SLC4A10: variants seen among roughly 807,000 people sequenced by gnomAD.
The protein encoded by SLC4A10 is solute carrier family 4 member 10, also known as sodium-driven chloride bicarbonate exchanger.
Under a neutral mutation model 137.7 loss-of-function variants are expected in SLC4A10, and 42 were observed. The ratio of observed to expected loss-of-function variants is 0.30; its 90% confidence interval spans 0.24 to 0.39. The LOEUF is 0.39. SLC4A10 is among the 10% of genes least tolerant of loss of function. SLC4A10 has a pLI of 1.00. For synonymous variants in SLC4A10, 474 were observed against 464.1 expected, an observed-to-expected ratio of 1.02 and a Z score of -0.27; for missense variants, 925 against 1,355.0, an observed-to-expected ratio of 0.68 and a Z score of 4.98.
chr2:161,899,167 CAA>C (rs2063831041), intron 11 of SLC4A10, among the ~76,000 whole-genome samples: 1 of 152,084 alleles, frequency 6.6e-6, no homozygotes, highest in South Asian at 2.1e-4. Context: ...CACATCTACT[CAA>C]GAGCACAACT....
intron 1 of SLC4A10, among the ~76,000 whole-genome samples, chr2:161,689,693 C>G (rs1179706392): frequency 6.6e-6 from 1 of 152,124 alleles, no homozygotes; most frequent in East Asian, 1.9e-4. Flanking sequence ...GAAATAAGAT[C>G]TTTCCAGATG....
chr2:161,662,835 C>T (rs1243406623), intron 1 of SLC4A10, among the ~76,000 whole-genome samples: 2 of 152,154 alleles, frequency 1.3e-5, no homozygotes, highest in East Asian at 1.9e-4. Flanking sequence ...TCTGTATGTC[C>T]TACATAAATC....
chr2:161,886,211 C>G (rs2062265505), intron 10 of SLC4A10, among the ~76,000 whole-genome samples: 1 of 151,984 alleles, frequency 6.6e-6, no homozygotes, highest in African/African-American at 2.4e-5. Flanking sequence ...TTTTCTTTTT[C>G]TGGATATTTG....
At chr2:161,705,184 T>C (rs1439273752) in intron 1 of SLC4A10, among the ~76,000 whole-genome samples, 1 of 151,546 alleles carries the variant, frequency 6.6e-6, no homozygotes, top group African/African-American at 2.4e-5. Context: ...ATTACTAAGA[T>C]ATGGTATATT....
chr2:161,899,628 T>C (rs1390676469), intron 11 of SLC4A10, among the ~76,000 whole-genome samples: 1 of 152,068 alleles, frequency 6.6e-6, no homozygotes, highest in Non-Finnish European at 1.5e-5. Flanking sequence ...TAAAATAGAG[T>C]TAATTTATCT....
chr2:161,741,791 C>T (rs978536651), intron 1 of SLC4A10, among the ~76,000 whole-genome samples: 1 of 152,126 alleles, frequency 6.6e-6, no homozygotes, highest in Non-Finnish European at 1.5e-5. Context: ...TATCCATTGC[C>T]TCAAGCATTC....
intron 9 of SLC4A10, 146 bp downstream of exon 9, chr2:161,879,434 A>T: frequency 1.2e-6 from 1 of 828,262 alleles, no homozygotes; most frequent in Non-Finnish European, 1.8e-6. Flanking sequence ...TTGTTTGTGG[A>T]GGAGGGGAAA....
intron 1 of SLC4A10, among the ~76,000 whole-genome samples, chr2:161,691,168 A>T (rs1244922933): frequency 6.6e-6 from 1 of 152,122 alleles, no homozygotes; most frequent in Non-Finnish European, 1.5e-5. Flanking sequence ...TCAAAAGCTC[A>T]TTTACAGATA....
chr2:161,804,483 C>G lies in SLC4A10; in HGVS notation c.165C>G (p.Pro55=). The G allele has an allele frequency of 6.2e-7, 1 of 1,612,880 alleles. No individual in the cohort carries two copies. Among genetic ancestry groups the G allele is most frequent in the South Asian group, 1.1e-5 (1 of 91,010 alleles). The stretch of plus-strand genomic sequence containing the variant: ...CACTATTTATTGGAGTACATGTGCC[C>G]TTGGGAGGAAGAAAAAGCCATCGAC... ...HRTLFIGVHV[P]LGGRKSHRRH... Residue 55 remains proline (P), a synonymous_variant, in exon 3 of 27, where the codon CCC becomes CCG. Coordinates refer to ENST00000446997, the MANE Select transcript of SLC4A10 (RefSeq NM_001178015.2).
At chr2:161,769,587 C>T (rs558170510) in intron 1 of SLC4A10, among the ~76,000 whole-genome samples, 11 of 152,000 alleles carry the variant, frequency 7.2e-5, no homozygotes, top group African/African-American at 2.2e-4. Context: ...ATGTTCCCCT[C>T]AGAAGGTTAC....
At chr2:161,816,848 A>G (rs1296813758) in intron 3 of SLC4A10, among the ~76,000 whole-genome samples, 1 of 152,006 alleles carries the variant, frequency 6.6e-6, no homozygotes, top group Non-Finnish European at 1.5e-5. Context: ...CATGGTGTAT[A>G]TGTGCCACAT....
chr2:161,687,610 A>G (rs1304813554), intron 1 of SLC4A10, among the ~76,000 whole-genome samples: 2 of 152,090 alleles, frequency 1.3e-5, no homozygotes, highest in Non-Finnish European at 2.9e-5. Context: ...TTTTATGGAC[A>G]TTTGTTAAGC....
At chr2:161,664,422 A>C (rs1486900445) in intron 1 of SLC4A10, among the ~76,000 whole-genome samples, 1 of 151,964 alleles carries the variant, frequency 6.6e-6, no homozygotes, top group Non-Finnish European at 1.5e-5. Flanking sequence ...AACCAATAAA[A>C]AATGGTTTTT....
rs117659897 is a variant in SLC4A10 at position 161,937,991 on chromosome 2, G to C, written c.1998-4801G>C. 2.8e-4 allele frequency among the ~76,000 whole-genome samples: 43 copies of C among 152,248 alleles called. No individual in the cohort carries two copies. In the East Asian group the frequency reaches 6.9e-3, roughly 25 times the overall value. ...AAAAAATCAAGCTTTTAAAGTATCA[G>C]GCCAGGTACGGTGGCTCATGCCTAT... On this transcript the variant is annotated intron_variant, in intron 15 of 26. Coordinates refer to ENST00000446997, the MANE Select transcript of SLC4A10 (RefSeq NM_001178015.2).
chr2:161,922,358 A>C (rs1459787642), intron 15 of SLC4A10, among the ~76,000 whole-genome samples: 1 of 152,148 alleles, frequency 6.6e-6, no homozygotes, highest in African/African-American at 2.4e-5. Flanking sequence ...GATATCTTAG[A>C]AAAGTATAAG....
At chr2:161,845,757 T>G (rs2059452212) in intron 4 of SLC4A10, among the ~76,000 whole-genome samples, 1 of 152,082 alleles carries the variant, frequency 6.6e-6, no homozygotes, top group African/African-American at 2.4e-5. Context: ...AAAATAATGT[T>G]GGAGCAATTA....
chr2:161,705,297 A>T (rs1020646557), intron 1 of SLC4A10, among the ~76,000 whole-genome samples: 2 of 151,540 alleles, frequency 1.3e-5, no homozygotes, highest in African/African-American at 4.8e-5. Flanking sequence ...CTAATAACTG[A>T]CCTTGGGTAT....
At chr2:161,869,396 A>C (rs1213113673) in intron 6 of SLC4A10, among the ~76,000 whole-genome samples, 1 of 151,708 alleles carries the variant, frequency 6.6e-6, no homozygotes, top group East Asian at 1.9e-4. Context: ...AATAATTGGC[A>C]TAGAGAAAAA....
At position 161,837,566 on chromosome 2, in the gene SLC4A10, G is replaced by A. The variant is rs577917226; in HGVS notation, c.278-2223G>A. 1.8e-3 allele frequency among the ~76,000 whole-genome samples: 281 copies of A among 152,174 alleles called. 1 individual carries two copies. Among genetic ancestry groups the A allele is most frequent in the African/African-American group, 6.4e-3 (266 of 41,522 alleles). On this transcript the variant is annotated intron_variant, in intron 3 of 26. Transcript: ENST00000446997. ...GCAATATCAATCAAATTCCAAGCAG[G>A]AATTTTGTAGATACAGAAAAACTTG...
Sources: allele counts gnomAD v4.1 joint callset (sites outside exome capture counted in the v4.1 genomes callset), GRCh38; gene constraint gnomAD v4.1.1; transcripts MANE v1.5; gene names NCBI Gene and HGNC (gene_info 2026-07-23, HGNC 2026-07-21).